The following CCDC191 variants were observed in gnomAD, a reference collection of about 807,000 sequenced individuals.
CCDC191 encodes the protein coiled-coil domain-containing protein 191.
A neutral mutation model predicts 114.0 loss-of-function variants in CCDC191; 99 were observed. That is an observed-to-expected ratio of 0.87 (90% CI 0.74 to 1.03). The LOEUF (loss-of-function observed/expected upper bound fraction) is 1.03. CCDC191 is among the 50% of genes least tolerant of loss of function. The pLI is 0.00. For synonymous variants in CCDC191, 351 were observed against 376.0 expected, an observed-to-expected ratio of 0.93 and a Z score of 0.77; for missense variants, 973 against 1,087.0, an observed-to-expected ratio of 0.90 and a Z score of 1.47.
At chr3:113,982,092 A>G (rs983568442) in intron 13 of CCDC191, among the ~76,000 whole-genome samples, 1 of 152,230 alleles carries the variant, frequency 6.6e-6, no homozygotes, top group Non-Finnish European at 1.5e-5. Flanking sequence ...AGAAGCCCTC[A>G]GGCTCAGACA....
chr3:114,031,341 G>A (rs2076400908), intron 7 of CCDC191, among the ~76,000 whole-genome samples: 1 of 152,124 alleles, frequency 6.6e-6, no homozygotes, highest in African/African-American at 2.4e-5. Flanking sequence ...ATAGTTAAAT[G>A]CTATTCTGAA....
chr3:113,982,796 T>C (rs184892822), intron 13 of CCDC191, among the ~76,000 whole-genome samples: 32 of 150,802 alleles, frequency 2.1e-4, no homozygotes, highest in African/African-American at 7.8e-4. Context: ...CCCTCACTAC[T>C]GGATTATTCC....
At chr3:114,002,917 G>A (rs1392188810) in intron 11 of CCDC191, 1 of 982,310 alleles carries the variant, frequency 1.0e-6, no homozygotes, top group Non-Finnish European at 1.2e-6. Flanking sequence ...CATCTAACAA[G>A]TACTTTGAGA....
intron 15 of CCDC191, 25 bp from the exon 16 acceptor site, chr3:113,978,356 G>A (rs1424338800): frequency 6.2e-7 from 1 of 1,609,510 alleles, no homozygotes. Flanking sequence ...AGAAATAAAA[G>A]TGAGACAAAA....
At chr3:113,966,956 C>T (rs1391424792) in intron 16 of CCDC191, among the ~76,000 whole-genome samples, 4 of 151,414 alleles carry the variant, frequency 2.6e-5, no homozygotes, top group Admixed American at 6.6e-5. Context: ...AAAATTAGCC[C>T]GGCATGGTGG....
chr3:114,035,254 T>C (rs966452044), intron 5 of CCDC191, 106 bp from the exon 6 acceptor site: 1 of 763,836 alleles, frequency 1.3e-6, no homozygotes, highest in Non-Finnish European at 2.1e-6. Flanking sequence ...GTTTGAAATA[T>C]GCTGGCCCAG....
chr3:114,022,078 A>C (rs752965326), intron 7 of CCDC191, among the ~76,000 whole-genome samples: 58 of 152,176 alleles, frequency 3.8e-4, no homozygotes, highest in Non-Finnish European at 6.8e-4. Flanking sequence ...AATTTCTAAA[A>C]TAAAATACTA....
intron 3 of CCDC191, among the ~76,000 whole-genome samples, chr3:114,046,134 A>T (rs1186417990): frequency 1.3e-5 from 2 of 152,140 alleles, no homozygotes; most frequent in Admixed American, 1.3e-4. Flanking sequence ...TTCCTTCTAT[A>T]CCTAAATGGT....
At chr3:114,014,666 C>T (rs901796545) in intron 8 of CCDC191, among the ~76,000 whole-genome samples, 2 of 152,154 alleles carry the variant, frequency 1.3e-5, no homozygotes, top group African/African-American at 2.4e-5. Context: ...CATTCTGCCT[C>T]TTTCAGAAGG....
At chr3:113,994,172 C>A (rs2075652501) in intron 13 of CCDC191, among the ~76,000 whole-genome samples, 1 of 152,042 alleles carries the variant, frequency 6.6e-6, no homozygotes, top group Admixed American at 6.6e-5. Context: ...AGGACTTGGT[C>A]CAGAATATAT....
chr3:114,009,799 T>C (rs933782286), intron 9 of CCDC191, among the ~76,000 whole-genome samples: 1 of 152,218 alleles, frequency 6.6e-6, no homozygotes, highest in African/African-American at 2.4e-5. Flanking sequence ...GGATGTTCAC[T>C]GAAGCATTGT....
chr3:113,982,291 ATGT>A (rs1455954203), intron 13 of CCDC191, among the ~76,000 whole-genome samples: 1 of 152,316 alleles, frequency 6.6e-6, no homozygotes, highest in East Asian at 1.9e-4. Flanking sequence ...TTGAGTCAAA[ATGT>A]TGTATTCTTA....
At chr3:114,003,047 T>G (rs933222428) in intron 11 of CCDC191, 35 of 985,282 alleles carry the variant, frequency 3.6e-5, no homozygotes, top group Non-Finnish European at 4.2e-5. Context: ...ATGAATATAT[T>G]TGAATCTAGT....
chr3:114,016,018 A>C (rs1577420944), intron 8 of CCDC191, among the ~76,000 whole-genome samples: 1 of 152,356 alleles, frequency 6.6e-6, no homozygotes, highest in Middle Eastern at 3.4e-3. Context: ...AAAGGGGCAA[A>C]AGAAAAAAGC....
intron 2 of CCDC191, chr3:114,047,063 A>AAAT: frequency 4.2e-6 from 4 of 959,926 alleles, no homozygotes; most frequent in Non-Finnish European, 5.0e-6. Flanking sequence ...TTTAAATAAA[A>AAAT]AATATTATAT....
intron 13 of CCDC191, among the ~76,000 whole-genome samples, chr3:113,993,714 G>A (rs1415658267): frequency 3.3e-5 from 5 of 151,708 alleles, no homozygotes; most frequent in South Asian, 2.1e-4. Flanking sequence ...GTGAAACCAC[G>A]TCTCTACTAA....
At chr3:114,044,992 T>A (rs2076609816) in intron 3 of CCDC191, among the ~76,000 whole-genome samples, 1 of 152,240 alleles carries the variant, frequency 6.6e-6, no homozygotes. Flanking sequence ...ATTGGTGTTC[T>A]ATCCATATAC....
At chr3:113,978,561 C>G (rs1237467259) in intron 15 of CCDC191, 1 of 594,714 alleles carries the variant, frequency 1.7e-6, no homozygotes, top group African/African-American at 1.9e-5. Flanking sequence ...GGGTAAGTTT[C>G]TAAATCACTT....
rs1559913483 is a variant in CCDC191 at position 114,018,819 on chromosome 3, CTA to C, written c.1020_1021del (p.His340GlnfsTer3). ...GGTCCCAGCTTTCCCCAGCTTAATC[CTA>C]TGATCAAGAATCAGCTTGTGCCAGG... On this transcript the variant is annotated frameshift_variant, in exon 8 of 17. Transcript: ENST00000295878. LOFTEE classifies it high-confidence loss of function. 1 of 1,613,930 alleles carries C rather than the reference CTA, an allele frequency of 6.2e-7. No homozygotes were observed. The highest frequency in any genetic ancestry group is 2.2e-5 in the East Asian group (1 of 44,870).
Sources: allele counts gnomAD v4.1 joint callset (sites outside exome capture counted in the v4.1 genomes callset), GRCh38; gene constraint gnomAD v4.1.1; transcripts MANE v1.5; gene names NCBI Gene and HGNC (gene_info 2026-07-23, HGNC 2026-07-21).